Variants in SLC13A3 observed in about 807,000 individuals in gnomAD.
The protein encoded by SLC13A3 is Na(+)/dicarboxylate cotransporter 3.
SLC13A3 carries 40 observed loss-of-function variants against 59.0 expected under a neutral mutation model. The ratio of observed to expected loss-of-function variants is 0.68; its 90% confidence interval spans 0.53 to 0.88. The LOEUF is 0.88. Ranked by LOEUF, SLC13A3 falls within the 40% of genes least tolerant of loss-of-function variation. SLC13A3 has a pLI of 0.00. For missense variants in SLC13A3, 699 were observed against 783.2 expected, an observed-to-expected ratio of 0.89 and a Z score of 1.28; for synonymous variants, 317 against 330.3, an observed-to-expected ratio of 0.96 and a Z score of 0.44.
intron 1 of SLC13A3, among the ~76,000 whole-genome samples, chr20:46,627,549 A>G (rs1234993941): frequency 6.6e-6 from 1 of 152,038 alleles, no homozygotes; most frequent in Non-Finnish European, 1.5e-5. Context: ...ATTTCAAGAG[A>G]AGCTTGAAAT....
At chr20:46,613,194 C>G (rs2062517380) in intron 2 of SLC13A3, among the ~76,000 whole-genome samples, 1 of 151,704 alleles carries the variant, frequency 6.6e-6, no homozygotes, top group Non-Finnish European at 1.5e-5. Context: ...GCCTGGGGGT[C>G]AGCAGCTCAT....
At chr20:46,657,076 C>G (rs1047998837) in intron 1 of SLC13A3, among the ~76,000 whole-genome samples, 3 of 152,018 alleles carry the variant, frequency 2.0e-5, no homozygotes, top group Non-Finnish European at 4.4e-5. Flanking sequence ...GTCAGTTTGA[C>G]CAGCCTGGTC....
intron 1 of SLC13A3, among the ~76,000 whole-genome samples, chr20:46,623,723 G>T (rs1316746095): frequency 6.6e-6 from 1 of 152,184 alleles, no homozygotes; most frequent in African/African-American, 2.4e-5. Flanking sequence ...GGGACTCAAA[G>T]TATAACGATC....
chr20:46,597,393 A>G (rs1461539285), intron 4 of SLC13A3, among the ~76,000 whole-genome samples: 1 of 152,232 alleles, frequency 6.6e-6, no homozygotes, highest in Admixed American at 6.5e-5. Context: ...GTTACAAAAC[A>G]GCGTACATAG....
chr20:46,632,928 T>C (rs377658151), intron 1 of SLC13A3, among the ~76,000 whole-genome samples: 87 of 62,986 alleles, frequency 1.4e-3, no homozygotes, highest in African/African-American at 3.5e-3. Context: ...TCTATCTATC[T>C]ATCTATCTAT....
chr20:46,665,128 T>C (rs1255433967), intron 1 of SLC13A3, among the ~76,000 whole-genome samples: 5 of 152,032 alleles, frequency 3.3e-5, no homozygotes, highest in Non-Finnish European at 2.9e-5. Flanking sequence ...TAGCCAAGCA[T>C]GGTGGTGTGT....
intron 9 of SLC13A3, among the ~76,000 whole-genome samples, chr20:46,579,060 C>T (rs889694518): frequency 6.6e-6 from 1 of 152,164 alleles, no homozygotes; most frequent in Non-Finnish European, 1.5e-5. Flanking sequence ...AGAAGAAAAT[C>T]AAGGCTGGCT....
chr20:46,614,874 A>G (rs1321846840), intron 1 of SLC13A3, among the ~76,000 whole-genome samples: 1 of 152,144 alleles, frequency 6.6e-6, no homozygotes, highest in Non-Finnish European at 1.5e-5. Context: ...AAATCTAATC[A>G]GTGGTTGCCA....
In SLC13A3 at chr20:46,577,075, A is replaced by C. The variant is rs56106801; in HGVS notation, c.1220-1390T>G. On this transcript the variant is annotated intron_variant, in intron 9 of 12. Transcript: ENST00000279027. ...GGTGTATGCAGTCTACAGACGTATG[A>C]AGCCCACAGATGTATGAAGCCCACA... Among the ~76,000 whole-genome samples the C allele has an allele frequency of 2.0e-4, 8 of 39,668 alleles. 1 individual carries two copies. The highest frequency in any genetic ancestry group is 1.0e-3 in the East Asian group (1 of 976). 26.0% of individuals were successfully genotyped at this position (39,668 alleles called of 152,430 possible). A position where few individuals can be genotyped will look rare whatever the true frequency, so the allele number is the denominator to read the frequency against.
At chr20:46,617,540 C>T (rs1390407668) in intron 1 of SLC13A3, among the ~76,000 whole-genome samples, 2 of 152,098 alleles carry the variant, frequency 1.3e-5, no homozygotes, top group African/African-American at 4.8e-5. Context: ...ATCCCTCAAA[C>T]AACAGATGTG....
intron 1 of SLC13A3, among the ~76,000 whole-genome samples, chr20:46,634,790 T>C (rs2062779755): frequency 6.6e-6 from 1 of 152,168 alleles, no homozygotes; most frequent in South Asian, 2.1e-4. Context: ...AGCTGATTCA[T>C]GGTGTGACCT....
rs114833535 is a variant in SLC13A3 at position 46,605,624 on chromosome 20, G to A, written c.541+4822C>T. On this transcript the variant is annotated intron_variant, in intron 3 of 12. Transcript: ENST00000279027. Reference sequence around the variant, plus strand: ...ACTGGGGAAACTGAGGCCTAGAGAGGTGGGCTAAATTGGGATCAAGAGGAC... The same window carrying A: ...ACTGGGGAAACTGAGGCCTAGAGAGATGGGCTAAATTGGGATCAAGAGGAC... 9.1e-3 allele frequency among the ~76,000 whole-genome samples: 1,387 copies of A among 152,246 alleles called. 25 individuals are homozygous for A. The highest frequency in any genetic ancestry group is 0.032 in the African/African-American group (1,314 of 41,544).
intron 1 of SLC13A3, among the ~76,000 whole-genome samples, chr20:46,676,409 CTCTT>C (rs1352328096): frequency 7.2e-6 from 1 of 138,090 alleles, no homozygotes; most frequent in Non-Finnish European, 1.5e-5. Context: ...ACTCTCTCAA[CTCTT>C]TTTTTTTTTT....
chr20:46,647,066 C>A (rs572823009), intron 1 of SLC13A3, among the ~76,000 whole-genome samples: 1 of 152,164 alleles, frequency 6.6e-6, no homozygotes, highest in Non-Finnish European at 1.5e-5. Context: ...CACCGTGACA[C>A]CTTTGTGCAA....
intron 11 of SLC13A3, among the ~76,000 whole-genome samples, chr20:46,563,999 T>C (rs1010618472): frequency 2.0e-5 from 3 of 152,228 alleles, no homozygotes; most frequent in African/African-American, 7.2e-5. Context: ...TCACCCAGAA[T>C]TGCTGATTCA....
rs1441407399 is a variant in SLC13A3, at chr20:46,559,310, AG to A, written c.*711del. The stretch of plus-strand genomic sequence containing the variant: ...GCCAAACTGACCCAGATGAAACAGG[AG>A]AATCCTAAATCTCTTGGGTCGAGAT... On this transcript the variant is annotated 3_prime_UTR_variant, in exon 13 of 13. Transcript: ENST00000279027. 1 of 152,278 alleles carries A rather than the reference AG, an allele frequency of 6.6e-6. No individual in the cohort carries two copies. Among genetic ancestry groups the A allele is most frequent in the African/African-American group, 2.4e-5 (1 of 41,450 alleles). The allele number at this position is 152,278 out of a possible 1,614,324, so 9.4% of individuals were successfully genotyped here. A position where few individuals can be genotyped will look rare whatever the true frequency, so the allele number is the denominator to read the frequency against.
intron 1 of SLC13A3, among the ~76,000 whole-genome samples, chr20:46,650,103 C>G (rs2122883921): frequency 6.6e-6 from 1 of 152,290 alleles, no homozygotes; most frequent in East Asian, 1.9e-4. Flanking sequence ...TCTCATGATG[C>G]CCTGGCTGGG....
intron 1 of SLC13A3, among the ~76,000 whole-genome samples, chr20:46,622,725 C>T (rs550212869): frequency 5.1e-4 from 78 of 151,528 alleles, no homozygotes; most frequent in African/African-American, 1.8e-3. Flanking sequence ...TATAGCTTCC[C>T]TGCTAGGGAC....
At chr20:46,585,225 T>C (rs1177239441) in intron 8 of SLC13A3, 2 of 973,886 alleles carry the variant, frequency 2.1e-6, no homozygotes, top group African/African-American at 3.5e-5. Context: ...TTGTTATATG[T>C]ATACATATTT....
Sources: allele counts gnomAD v4.1 joint callset (sites outside exome capture counted in the v4.1 genomes callset), GRCh38; gene constraint gnomAD v4.1.1; transcripts MANE v1.5; gene names NCBI Gene and HGNC (gene_info 2026-07-23, HGNC 2026-07-21).